BRAF: variants seen among roughly 807,000 people sequenced by gnomAD.
The protein encoded by BRAF is serine/threonine-protein kinase B-raf.
BRAF carries 16 observed loss-of-function variants against 104.6 expected under a neutral mutation model. The observed-to-expected ratio is 0.15, with a 90% CI of 0.10 to 0.23. The LOEUF (loss-of-function observed/expected upper bound fraction) is 0.23, where lower values mean the gene tolerates loss of function less well. Among genes scored for constraint, BRAF ranks in the 10% least tolerant of loss-of-function variants. The probability of loss-of-function intolerance (pLI) is 1.00; values close to 1 mark genes in which losing one functional copy is unlikely to be tolerated. For synonymous variants in BRAF, 310 were observed against 341.6 expected (o/e 0.91, Z 1.02); for missense variants, 541 against 937.3 (o/e 0.58, Z 5.52).
At chr7:140,805,910 A>G (rs945867575) in intron 5 of BRAF, among the ~76,000 whole-genome samples, 1 of 152,174 alleles carries the variant, frequency 6.6e-6, no homozygotes, top group Non-Finnish European at 1.5e-5. Flanking sequence ...TGGCACTCAG[A>G]GCAATCATTC....
At position 140,807,728 on chromosome 7, in the gene BRAF, A is replaced by AT. The variant is rs916460250; in HGVS notation, c.711+231dup. 1.1e-4 allele frequency among the ~76,000 whole-genome samples: 16 copies of AT among 152,274 alleles called. No homozygotes were observed. In the South Asian group the frequency reaches 2.9e-3, roughly 28 times the overall value. On this transcript the variant is annotated intron_variant, in intron 5 of 19. Transcript: ENST00000644969. ...TTGACATACTTCTGCACTATTCAAAATTATCTTTTAACAATGCATACATTT... is the reference window on the plus strand; with the variant it reads ...TTGACATACTTCTGCACTATTCAAAATTTATCTTTTAACAATGCATACATTT...
chr7:140,789,064 A>G (rs1026322189), intron 8 of BRAF, among the ~76,000 whole-genome samples: 2 of 151,588 alleles, frequency 1.3e-5, no homozygotes, highest in Non-Finnish European at 2.9e-5. Flanking sequence ...CAAAAATTAG[A>G]CAGGCATGGT....
chr7:140,809,694 C>CA (rs1369872749), intron 3 of BRAF, among the ~76,000 whole-genome samples: 1 of 152,114 alleles, frequency 6.6e-6, no homozygotes, highest in South Asian at 2.1e-4. Context: ...TGGACACTGA[C>CA]AGAGAAAAGT....
chr7:140,719,432 CTT>C lies in BRAF; in HGVS notation c.*7060_*7061del. ...TTTATATAATACAGTTTTTAAATAACTTTACACAGAAATAAATTTCTTCAATC... is the reference window on the plus strand; with the variant it reads ...TTTATATAATACAGTTTTTAAATAACTACACAGAAATAAATTTCTTCAATC... On this transcript the variant is annotated 3_prime_UTR_variant, in exon 20 of 20. Transcript: ENST00000644969. The C allele has an allele frequency of 9.9e-7, 1 of 1,008,438 alleles. No homozygotes were observed. The highest frequency in any genetic ancestry group is 1.2e-6 in the Non-Finnish European group (1 of 836,076). 62.5% of individuals were successfully genotyped at this position (1,008,438 alleles called of 1,614,324 possible). A position where few individuals can be genotyped will look rare whatever the true frequency, so the allele number is the denominator to read the frequency against.
chr7:140,726,375 T>G lies in BRAF; in HGVS notation c.*119A>C. ...TTCCATTCTGTTCCACATCAGCTTATGCATTGGAAATTTTGTATCTTTAAA... is the reference window on the plus strand; with the variant it reads ...TTCCATTCTGTTCCACATCAGCTTAGGCATTGGAAATTTTGTATCTTTAAA... On this transcript the variant is annotated 3_prime_UTR_variant, in exon 20 of 20. Coordinates refer to ENST00000644969, the MANE Select transcript of BRAF (RefSeq NM_001374258.1). 2 of 1,503,544 alleles carry G rather than the reference T, an allele frequency of 1.3e-6. No individual in the cohort carries two copies. Among genetic ancestry groups the G allele is most frequent in the Non-Finnish European group, 1.8e-6 (2 of 1,133,914 alleles). The allele number at this position is 1,503,544 out of a possible 1,614,324, so 93.1% of individuals were successfully genotyped here. A position where few individuals can be genotyped will look rare whatever the true frequency, so the allele number is the denominator to read the frequency against.
intron 2 of BRAF, among the ~76,000 whole-genome samples, chr7:140,843,512 G>A (rs1042103091): frequency 2.0e-5 from 3 of 152,064 alleles, no homozygotes; most frequent in Admixed American, 6.6e-5. Flanking sequence ...GCAGTTAAAC[G>A]CATTTATAAT....
intron 1 of BRAF, among the ~76,000 whole-genome samples, chr7:140,871,239 CAAAAAAAAAAAA>C (rs11284186): frequency 9.8e-5 from 6 of 61,180 alleles, no homozygotes; most frequent in Admixed American, 2.0e-4. Context: ...GACTCCGTCT[CAAAAAAAAAAAA>C]AAAAAAAAAA....
At chr7:140,739,674 C>T in intron 18 of BRAF, 138 bp downstream of exon 17, 1 of 996,692 alleles carries the variant, frequency 1.0e-6, no homozygotes. Context: ...ATGAAGCCAT[C>T]TTAATGTGTT....
intron 5 of BRAF, among the ~76,000 whole-genome samples, chr7:140,804,613 G>C (rs1194726624): frequency 6.6e-6 from 1 of 151,964 alleles, no homozygotes; most frequent in African/African-American, 2.4e-5. Flanking sequence ...GTGAGCCACT[G>C]TGCCCAGTTT....
intron 1 of BRAF, among the ~76,000 whole-genome samples, chr7:140,915,046 C>A (rs1370356322): frequency 6.0e-5 from 4 of 66,800 alleles, no homozygotes; most frequent in South Asian, 6.8e-4. Flanking sequence ...GAGACTCCGT[C>A]TCCAAAAAAA....
chr7:140,750,456 C>T (rs750817620), intron 16 of BRAF, among the ~76,000 whole-genome samples: 2 of 152,052 alleles, frequency 1.3e-5, no homozygotes, highest in African/African-American at 4.8e-5. Context: ...AATCACACAA[C>T]GTAACAGAGT....
At chr7:140,843,018 C>T (rs1489590979) in intron 2 of BRAF, among the ~76,000 whole-genome samples, 1 of 152,158 alleles carries the variant, frequency 6.6e-6, no homozygotes, top group Non-Finnish European at 1.5e-5. Flanking sequence ...AAAGGGGTTT[C>T]TGTTGAAATG....
rs539471485 is a variant in BRAF at position 140,786,527 on chromosome 7, T to C, written c.1178-719A>G. Among the ~76,000 whole-genome samples the C allele has an allele frequency of 3.3e-5, 5 of 152,292 alleles. No individual in the cohort carries two copies. The East Asian group carries it at 9.7e-4, about 29-fold the overall frequency. On this transcript the variant is annotated intron_variant, in intron 9 of 19. Transcript: ENST00000644969. ...ACCTCTTATAAAACATTATATAGGG[T>C]AATGCTTACAAAAAGTATTTTCTTA...
chr7:140,829,484 T>G (rs1806472657), intron 3 of BRAF, among the ~76,000 whole-genome samples: 2 of 152,108 alleles, frequency 1.3e-5, no homozygotes, highest in African/African-American at 4.8e-5. Flanking sequence ...TCTTACTGAT[T>G]GAACCATTTT....
chr7:140,742,276 C>T (rs1019077844), intron 17 of BRAF, among the ~76,000 whole-genome samples: 3 of 151,444 alleles, frequency 2.0e-5, no homozygotes, highest in African/African-American at 7.3e-5. Context: ...ACTGCAACCT[C>T]CCCTTCCTGG....
In BRAF at chr7:140,814,782, TTA is replaced by T. The variant is rs1327354568; in HGVS notation, c.505-5789_505-5788del. ...ATATATATTATATATAACATATATATTATATATAACATATATATATTATATAT... is the reference window on the plus strand; with the variant it reads ...ATATATATTATATATAACATATATATTATATAACATATATATATTATATAT... On this transcript the variant is annotated intron_variant, in intron 3 of 19. Coordinates refer to ENST00000644969, the MANE Select transcript of BRAF (RefSeq NM_001374258.1). Among the ~76,000 whole-genome samples the T allele has an allele frequency of 1.3e-4, 18 of 143,048 alleles. No individual in the cohort carries two copies. The East Asian group carries it at 3.3e-3, about 26-fold the overall frequency. 93.8% of individuals were successfully genotyped at this position (143,048 alleles called of 152,430 possible). A position where few individuals can be genotyped will look rare whatever the true frequency, so the allele number is the denominator to read the frequency against.
intron 1 of BRAF, among the ~76,000 whole-genome samples, chr7:140,854,877 G>A (rs146389076): frequency 1.6e-3 from 247 of 152,198 alleles, no homozygotes; most frequent in African/African-American, 5.3e-3. Flanking sequence ...CCCAGGAGGC[G>A]GAGGTTGCAG....
At chr7:140,861,192 G>A (rs915577249) in intron 1 of BRAF, among the ~76,000 whole-genome samples, 4 of 152,074 alleles carry the variant, frequency 2.6e-5, no homozygotes, top group Admixed American at 6.5e-5. Context: ...AAATAAAGGC[G>A]CCTTCTGAGA....
At chr7:140,900,612 CTTGT>C (rs890511237) in intron 1 of BRAF, among the ~76,000 whole-genome samples, 5 of 152,092 alleles carry the variant, frequency 3.3e-5, no homozygotes, top group Non-Finnish European at 2.9e-5. Flanking sequence ...TTTCTGTTTG[CTTGT>C]TTGTTTGTTT....
Sources: allele counts gnomAD v4.1 joint callset (sites outside exome capture counted in the v4.1 genomes callset), GRCh38; gene constraint gnomAD v4.1.1; transcripts MANE v1.5; gene names NCBI Gene and HGNC (gene_info 2026-07-23, HGNC 2026-07-21).